SPMIP2: variants seen among roughly 807,000 people sequenced by gnomAD.
The protein encoded by SPMIP2 is sperm microtubule inner protein 2.
the SPMIP2 span, among the ~76,000 whole-genome samples, chr4:159,070,354 T>C: frequency 2.6e-5 from 4 of 152,222 alleles, no homozygotes; most frequent in Non-Finnish European, 5.9e-5. Flanking sequence ...ATATATACAC[T>C]GGCAAGTGAT....
At chr4:158,922,651 G>GT in the SPMIP2 span, among the ~76,000 whole-genome samples, 1 of 152,042 alleles carries the variant, frequency 6.6e-6, no homozygotes, top group Non-Finnish European at 1.5e-5. Flanking sequence ...ATTCAGTAGG[G>GT]TTTTATTATA....
the SPMIP2 span, among the ~76,000 whole-genome samples, chr4:158,996,743 C>T: frequency 6.6e-6 from 1 of 152,146 alleles, no homozygotes; most frequent in Non-Finnish European, 1.5e-5. Flanking sequence ...TTTCAGTTAT[C>T]ATAGGCAGAT....
At chr4:159,079,185 G>A in the SPMIP2 span, among the ~76,000 whole-genome samples, 1 of 152,052 alleles carries the variant, frequency 6.6e-6, no homozygotes, top group African/African-American at 2.4e-5. Context: ...GTGTGTTTGT[G>A]TCCCTCCCAA....
the SPMIP2 span, among the ~76,000 whole-genome samples, chr4:158,932,974 G>A: frequency 6.6e-6 from 1 of 152,140 alleles, no homozygotes; most frequent in African/African-American, 2.4e-5. Context: ...CAAGCATTTG[G>A]TTTATTCCCA....
the SPMIP2 span, among the ~76,000 whole-genome samples, chr4:159,078,213 G>A: frequency 6.6e-6 from 1 of 152,222 alleles, no homozygotes; most frequent in Admixed American, 6.6e-5. Flanking sequence ...TGTATTTTAC[G>A]TCATGATTCC....
At chr4:158,993,417 T>C in the SPMIP2 span, among the ~76,000 whole-genome samples, 5 of 151,526 alleles carry the variant, frequency 3.3e-5, no homozygotes, top group Non-Finnish European at 5.9e-5. Flanking sequence ...ACAATGTGTG[T>C]TAATAGAGAA....
the SPMIP2 span, among the ~76,000 whole-genome samples, chr4:158,956,939 AT>A: frequency 6.6e-6 from 1 of 151,746 alleles, no homozygotes; most frequent in African/African-American, 2.4e-5. Context: ...TTATTTATTT[AT>A]TTTTTTCTTG....
the SPMIP2 span, chr4:159,007,796 T>A: frequency 2.6e-5 from 15 of 576,356 alleles, no homozygotes; most frequent in East Asian, 3.6e-4. Context: ...TGGAGAAAAT[T>A]GTCAACCCGA....
the SPMIP2 span, among the ~76,000 whole-genome samples, chr4:159,043,499 C>G: frequency 6.6e-6 from 1 of 152,168 alleles, no homozygotes; most frequent in African/African-American, 2.4e-5. Context: ...CAGCACCCAC[C>G]ACCTTGCCTG....
At chr4:159,063,384 C>T in the SPMIP2 span, among the ~76,000 whole-genome samples, 10 of 151,708 alleles carry the variant, frequency 6.6e-5, no homozygotes, top group African/African-American at 2.4e-5. Flanking sequence ...CATGGTGAAA[C>T]GCCTTCTCTA....
At chr4:159,030,024 A>C in the SPMIP2 span, among the ~76,000 whole-genome samples, 1 of 152,198 alleles carries the variant, frequency 6.6e-6, no homozygotes. Context: ...TACCAGCTAG[A>C]TATATACTGT....
the SPMIP2 span, among the ~76,000 whole-genome samples, chr4:159,051,396 G>T: frequency 6.6e-6 from 1 of 152,190 alleles, no homozygotes; most frequent in South Asian, 2.1e-4. Flanking sequence ...CTGCTCAGAA[G>T]AAAGGATTAC....
At chr4:158,900,340 G>A in the SPMIP2 span, among the ~76,000 whole-genome samples, 2 of 152,202 alleles carry the variant, frequency 1.3e-5, no homozygotes, top group South Asian at 2.1e-4. Context: ...GGAGAGTTCT[G>A]TAGATGTCTA....
At chr4:158,999,950 T>C in the SPMIP2 span, among the ~76,000 whole-genome samples, 2 of 152,184 alleles carry the variant, frequency 1.3e-5, no homozygotes, top group African/African-American at 2.4e-5. Context: ...AAGATTTTGG[T>C]TTTGACCTTG....
At chr4:158,941,761 T>TA in the SPMIP2 span, among the ~76,000 whole-genome samples, 1 of 151,552 alleles carries the variant, frequency 6.6e-6, no homozygotes, top group African/African-American at 2.4e-5. Flanking sequence ...TGTGGCTTTT[T>TA]AAAGAAAGTA....
chr4:158,908,599 C>T, the SPMIP2 span, among the ~76,000 whole-genome samples: 1 of 152,126 alleles, frequency 6.6e-6, no homozygotes, highest in Non-Finnish European at 1.5e-5. Context: ...CTATGGTACC[C>T]ATGGAATTTG....
At chr4:158,917,111 G>A in the SPMIP2 span, among the ~76,000 whole-genome samples, 1 of 152,202 alleles carries the variant, frequency 6.6e-6, no homozygotes, top group African/African-American at 2.4e-5. Flanking sequence ...TTAGCCAGGT[G>A]TAATGGCACA....
At chr4:158,968,371 C>T in the SPMIP2 span, among the ~76,000 whole-genome samples, 3 of 152,138 alleles carry the variant, frequency 2.0e-5, no homozygotes, top group Admixed American at 2.0e-4. Context: ...ATATTGCGTG[C>T]AAATGATGCA....
At chr4:159,043,308 A>G in the SPMIP2 span, among the ~76,000 whole-genome samples, 1 of 152,104 alleles carries the variant, frequency 6.6e-6, no homozygotes, top group Non-Finnish European at 1.5e-5. Flanking sequence ...GGGTAAATGC[A>G]TTTTCATAGT....
Sources: gnomAD v4.1 joint callset for allele counts (sites outside exome capture counted in the v4.1 genomes callset) on GRCh38, gnomAD v4.1.1 for gene constraint, MANE v1.5 for transcripts, NCBI Gene and HGNC (gene_info 2026-07-23, HGNC 2026-07-21) for gene names.